THAP3: variants seen among roughly 807,000 people sequenced by gnomAD.
THAP3 encodes the protein THAP domain containing 3.
In THAP3, 12 loss-of-function variants were observed where a neutral mutation model predicts 17.7. The observed-to-expected ratio is 0.68, with a 90% CI of 0.43 to 1.10. The LOEUF (loss-of-function observed/expected upper bound fraction) is 1.10, where lower values mean the gene tolerates loss of function less well. Among genes scored for constraint, THAP3 ranks in the 50% least tolerant of loss-of-function variants. THAP3 has a pLI of 0.00. For synonymous variants in THAP3, 133 were observed against 126.9 expected (o/e 1.05, Z -0.32); for missense variants, 289 against 318.0 (o/e 0.91, Z 0.69).
chr1:6,634,288 A>G, downstream of THAP3: 3 of 883,300 alleles, frequency 3.4e-6, no homozygotes, highest in East Asian at 2.7e-5. Flanking sequence ...CCCGGGGCCC[A>G]GGCTCATGCA....
At chr1:6,630,461 CAT>C in intron 4 of THAP3, 108 bp downstream of exon 4, 2 of 1,079,488 alleles carry the variant, frequency 1.9e-6, no homozygotes, top group Non-Finnish European at 2.8e-6. Flanking sequence ...CGCCTTTCCT[CAT>C]ATGCCAGTTT....
At chr1:6,630,877 C>CTTT (rs57542230) in intron 4 of THAP3, among the ~76,000 whole-genome samples, 9 of 144,792 alleles carry the variant, frequency 6.2e-5, no homozygotes, top group Middle Eastern at 3.8e-3. Flanking sequence ...TGGGCCCCCA[C>CTTT]TTTTTTTTTT....
At chr1:6,634,761 A>AT, downstream of THAP3, 1 of 1,334,210 alleles carries the variant, frequency 7.5e-7, no homozygotes, top group Non-Finnish European at 1.0e-6. Flanking sequence ...CTGGACCTGC[A>AT]GGAGCGGGGA....
downstream of THAP3, chr1:6,633,896 G>A (rs1641698685): frequency 7.1e-6 from 6 of 842,638 alleles, no homozygotes; most frequent in Non-Finnish European, 1.1e-5. Context: ...GTCACTGGGT[G>A]ACAGAGCGAG....
At position 6,625,175 on chromosome 1, in the gene THAP3, C is replaced by T. The variant is rs1374824973; in HGVS notation, c.-44C>T. ...GTCCCTCCCCTCTCCGCAGGCCCCG[C>T]CGCCGCCGCCATCTTTGTTGGGGGC... On this transcript the variant is annotated 5_prime_UTR_variant, in exon 2 of 6. Coordinates refer to ENST00000054650, the MANE Select transcript of THAP3 (RefSeq NM_001195753.2). The T allele has an allele frequency of 1.3e-6, 2 of 1,525,894 alleles. No individual in the cohort carries two copies. Among genetic ancestry groups the T allele is most frequent in the East Asian group, 5.1e-5 (2 of 39,284 alleles). The allele number at this position is 1,525,894 out of a possible 1,614,324, so 94.5% of individuals were successfully genotyped here. A position where few individuals can be genotyped will look rare whatever the true frequency, so the allele number is the denominator to read the frequency against.
In THAP3 at chr1:6,631,169, T is replaced by G. The variant is rs1172898434; in HGVS notation, c.333+816T>G. Among the ~76,000 whole-genome samples the G allele has an allele frequency of 3.9e-5, 5 of 126,722 alleles. No individual in the cohort carries two copies. In the Admixed American group the frequency reaches 4.9e-4, roughly 12 times the overall value. The allele number at this position is 126,722 out of a possible 152,430, so 83.1% of individuals were successfully genotyped here. On this transcript the variant is annotated intron_variant, in intron 4 of 5. Coordinates refer to ENST00000054650, the MANE Select transcript of THAP3 (RefSeq NM_001195753.2). Reference sequence around the variant, plus strand: ...ACAAGCATGTGCTACCATGCCCAGCTAATTAAAAATTTTTTTTTTTTTTTT... The same window carrying G: ...ACAAGCATGTGCTACCATGCCCAGCGAATTAAAAATTTTTTTTTTTTTTTT...
intron 2 of THAP3, chr1:6,628,021 C>T (rs1371168717): frequency 1.9e-5 from 3 of 159,128 alleles, no homozygotes; most frequent in African/African-American, 7.2e-5. Context: ...CTGCCACTTC[C>T]TGCGGTCTGT....
intron 2 of THAP3, among the ~76,000 whole-genome samples, chr1:6,626,797 G>A (rs1240034759): frequency 6.6e-6 from 1 of 152,236 alleles, no homozygotes; most frequent in Non-Finnish European, 1.5e-5. Context: ...AGTGAACCGA[G>A]ATCGCACCAC....
In THAP3 at chr1:6,624,884, G is replaced by T; in HGVS notation, c.-140G>T. ...CGTTGGTTTCCAGTTGTCCAAGCCT[G>T]TGAGTGGCTATGCGTCCTGGTTGGG... On this transcript the variant is annotated 5_prime_UTR_variant, in exon 1 of 6. Transcript: ENST00000054650. 1 of 361,760 alleles carries T rather than the reference G, an allele frequency of 2.8e-6. No individual in the cohort carries two copies. Among genetic ancestry groups the T allele is most frequent in the Non-Finnish European group, 5.1e-6 (1 of 196,148 alleles). 22.4% of individuals were successfully genotyped at this position (361,760 alleles called of 1,614,324 possible).
At chr1:6,630,503 C>T (rs1308653302) in intron 4 of THAP3, 150 bp downstream of exon 4, 4 of 702,246 alleles carry the variant, frequency 5.7e-6, no homozygotes, top group Non-Finnish European at 9.9e-6. Flanking sequence ...AGGGAAGGCC[C>T]AAGCCTCTCA....
intron 4 of THAP3, among the ~76,000 whole-genome samples, chr1:6,630,847 T>C (rs539646412): frequency 8.6e-5 from 13 of 151,890 alleles, no homozygotes; most frequent in African/African-American, 3.1e-4. Flanking sequence ...GCTGGGATTA[T>C]AGGTGTGAGC....
At chr1:6,625,090 G>C (rs1641422284) in intron 1 of THAP3, 60 bp from the exon 2 acceptor site, 1 of 1,053,666 alleles carries the variant, frequency 9.5e-7, no homozygotes, top group East Asian at 3.1e-5. Flanking sequence ...CAGGATGAGC[G>C]CGCCCTGGAG....
At chr1:6,625,354 A>T in intron 2 of THAP3, 62 bp downstream of exon 2, 1 of 1,443,756 alleles carries the variant, frequency 6.9e-7, no homozygotes. Flanking sequence ...ACCGACTCCG[A>T]GGCCTTGGCG....
At chr1:6,634,517 C>G (rs1641716906), downstream of THAP3, 7 of 1,357,158 alleles carry the variant, frequency 5.2e-6, no homozygotes, top group Non-Finnish European at 6.9e-6. Flanking sequence ...GCCCCCCGCG[C>G]CAGCTGTCTC....
At chr1:6,627,459 G>A (rs1260812050) in intron 2 of THAP3, among the ~76,000 whole-genome samples, 1 of 152,212 alleles carries the variant, frequency 6.6e-6, no homozygotes, top group African/African-American at 2.4e-5. Flanking sequence ...CTGCCTCCCT[G>A]GTTCAGGTGA....
rs992724206 is a variant in THAP3, at chr1:6,628,474, T to C, written c.75-25T>C. On this transcript the variant is annotated intron_variant, in intron 2 of 5. Transcript: ENST00000054650. ...GCGCTGGGTCCAGCCTTGCTGGGCCTCACACCCCGTGCCTCTGCCCTTAGG... is the reference window on the plus strand; with the variant it reads ...GCGCTGGGTCCAGCCTTGCTGGGCCCCACACCCCGTGCCTCTGCCCTTAGG... 7.6e-6 allele frequency: 12 copies of C among 1,587,156 alleles called. No individual in the cohort carries two copies. In the African/African-American group the frequency reaches 1.6e-4, roughly 21 times the overall value.
At chr1:6,633,903 C>A, downstream of THAP3, 2 of 899,064 alleles carry the variant, frequency 2.2e-6, no homozygotes, top group Non-Finnish European at 3.4e-6. Flanking sequence ...GGTGACAGAG[C>A]GAGACTCAGT....
chr1:6,628,787 C>T (rs895575952), intron 3 of THAP3, 96 bp downstream of exon 3: 15 of 1,293,698 alleles, frequency 1.2e-5, no homozygotes, highest in East Asian at 1.0e-4. Context: ...GTGGGAAAAG[C>T]CAAGGCCAAG....
At position 6,628,650 on chromosome 1, in the gene THAP3, A is replaced by G. The variant is rs1436899735; in HGVS notation, c.226A>G (p.Asn76Asp). Residue 76 changes from asparagine to aspartate, a missense_variant, in exon 3 of 6, where the codon AAT (asparagine) becomes GAT (aspartate). Transcript: ENST00000054650. ...AFGNRKNLKH[N>D]AVPTVFAFQD... ...TGGAAACCGCAAGAACCTAAAGCAC[A>G]ATGCCGTGCCCACGGTGTTCGCCTT... 6.2e-6 allele frequency: 10 copies of G among 1,613,708 alleles called. No individual in the cohort carries two copies. The highest frequency in any genetic ancestry group is 7.6e-6 in the Non-Finnish European group (9 of 1,179,998).
Sources: gnomAD v4.1 joint callset for allele counts (sites outside exome capture counted in the v4.1 genomes callset) on GRCh38, gnomAD v4.1.1 for gene constraint, MANE v1.5 for transcripts, NCBI Gene and HGNC (gene_info 2026-07-23, HGNC 2026-07-21) for gene names.